The following IMPG1 variants were observed in gnomAD, a reference collection of about 807,000 sequenced individuals.
IMPG1 encodes the protein interphotoreceptor matrix proteoglycan of 150 kDa.
In IMPG1, 85 loss-of-function variants were observed where a neutral mutation model predicts 92.0. The observed-to-expected ratio is 0.92, with a 90% confidence interval of 0.78 to 1.11. The LOEUF is 1.11. Ranked by LOEUF, IMPG1 falls within the 50% of genes least tolerant of loss-of-function variation. The pLI is 0.00. For missense variants in IMPG1, 1,022 were observed against 956.0 expected (o/e 1.07, Z -0.91); for synonymous variants, 367 against 334.1 (o/e 1.10, Z -1.08).
chr6:75,973,704 C>G (rs1438658074), intron 12 of IMPG1, among the ~76,000 whole-genome samples: 1 of 152,214 alleles, frequency 6.6e-6, no homozygotes, highest in African/African-American at 2.4e-5. Flanking sequence ...TACTTCACTA[C>G]ACTACTGAGG....
chr6:76,064,444 G>A (rs556149464), intron 1 of IMPG1, among the ~76,000 whole-genome samples: 2 of 150,802 alleles, frequency 1.3e-5, no homozygotes, highest in South Asian at 2.1e-4. Context: ...TACAATCTGA[G>A]TGTCCTGAGA....
Position 76,034,352 on chromosome 6 carries a change from A to T in IMPG1, c.469-9T>A. 1.2e-6 allele frequency: 2 copies of T among 1,611,330 alleles called. No individual in the cohort carries two copies. The highest frequency in any genetic ancestry group is 1.7e-6 in the Non-Finnish European group (2 of 1,177,734). On this transcript the variant is annotated splice_polypyrimidine_tract_variant and intron_variant, in intron 3 of 16. Coordinates refer to ENST00000369950, the MANE Select transcript of IMPG1 (RefSeq NM_001563.4). ...CTTCTCTGTTTTATTCTCTGCAAAA[A>T]GATAAAGATAAAATGTAATTTTACC...
At position 76,068,122 on chromosome 6, in the gene IMPG1, T is replaced by C. The variant is rs146926964; in HGVS notation, c.67+4300A>G. On this transcript the variant is annotated intron_variant, in intron 1 of 16. Coordinates refer to ENST00000369950, the MANE Select transcript of IMPG1 (RefSeq NM_001563.4). ...TATTTGAAAGCATACCCCTAAGAACTGGAAGAAGACAAGGATGCCCACTTT... is the reference window on the plus strand; with the variant it reads ...TATTTGAAAGCATACCCCTAAGAACCGGAAGAAGACAAGGATGCCCACTTT... 1.4e-3 allele frequency among the ~76,000 whole-genome samples: 219 copies of C among 152,256 alleles called. 2 individuals carry two copies. The highest frequency in any genetic ancestry group is 2.4e-3 in the Non-Finnish European group (162 of 68,010).
intron 9 of IMPG1, among the ~76,000 whole-genome samples, chr6:76,006,410 A>C (rs927654939): frequency 6.7e-6 from 1 of 148,206 alleles, no homozygotes; most frequent in African/African-American, 2.5e-5. Context: ...ATATATATGT[A>C]AAAAAAGTCC....
chr6:75,972,470 A>G (rs2149465958), intron 12 of IMPG1, among the ~76,000 whole-genome samples: 1 of 151,958 alleles, frequency 6.6e-6, no homozygotes, highest in African/African-American at 2.4e-5. Context: ...GGAAGGGCTA[A>G]TTACAAAGAA....
chr6:76,031,968 C>T (rs1264214230), intron 4 of IMPG1, among the ~76,000 whole-genome samples: 3 of 152,196 alleles, frequency 2.0e-5, no homozygotes, highest in Admixed American at 6.5e-5. Context: ...CTTCCACTGG[C>T]TTTTATTTCA....
intron 12 of IMPG1, among the ~76,000 whole-genome samples, chr6:76,000,832 C>T (rs1170097507): frequency 1.3e-5 from 2 of 152,116 alleles, no homozygotes; most frequent in Non-Finnish European, 2.9e-5. Flanking sequence ...GAAGCCTAGA[C>T]AATTTAGAAA....
At chr6:75,934,505 C>T (rs554110138) in intron 14 of IMPG1, among the ~76,000 whole-genome samples, 1 of 152,118 alleles carries the variant, frequency 6.6e-6, no homozygotes, top group Non-Finnish European at 1.5e-5. Context: ...AGCTCTCCAC[C>T]GTGTGATCAA....
rs1436547161 is a variant in IMPG1, at chr6:75,923,719, G to A, written c.2244-13C>T. The A allele has an allele frequency of 1.3e-6, 2 of 1,535,972 alleles. No homozygotes were observed. Among genetic ancestry groups the A allele is most frequent in the South Asian group, 1.1e-5 (1 of 87,812 alleles). On this transcript the variant is annotated splice_polypyrimidine_tract_variant and intron_variant, in intron 15 of 16. Coordinates refer to ENST00000369950, the MANE Select transcript of IMPG1 (RefSeq NM_001563.4). ...GTGATCTGGCAACCTACAAAAGAAA[G>A]CAAAAACATAGTATCTTGTTTCTTG...
At chr6:75,934,491 T>C (rs1781709063) in intron 14 of IMPG1, among the ~76,000 whole-genome samples, 1 of 152,186 alleles carries the variant, frequency 6.6e-6, no homozygotes, top group African/African-American at 2.4e-5. Flanking sequence ...GAAGTTTGTT[T>C]CCCAGCTCTC....
chr6:76,042,261 T>C lies in IMPG1; in HGVS notation c.68-135A>G, dbSNP rs144840102. On this transcript the variant is annotated intron_variant, in intron 1 of 16. Coordinates refer to ENST00000369950, the MANE Select transcript of IMPG1 (RefSeq NM_001563.4). Reference sequence around the variant, plus strand: ...GAAATTTCTACCGTGGTGCAACTGCTAAACGTAATATTCCAAATGACAAGG... The same window carrying C: ...GAAATTTCTACCGTGGTGCAACTGCCAAACGTAATATTCCAAATGACAAGG... 1.3e-5 allele frequency: 8 copies of C among 621,296 alleles called. 1 individual carries two copies. Among genetic ancestry groups the C allele is most frequent in the African/African-American group, 1.1e-4 (6 of 54,118 alleles). The allele number at this position is 621,296 out of a possible 1,614,324, so 38.5% of individuals were successfully genotyped here.
At chr6:76,004,358 A>G (rs1157016331) in intron 10 of IMPG1, among the ~76,000 whole-genome samples, 2 of 152,232 alleles carry the variant, frequency 1.3e-5, no homozygotes, top group Non-Finnish European at 2.9e-5. Flanking sequence ...CCTGATTCTC[A>G]GAATGACACA....
chr6:75,976,353 G>A (rs1162936496), intron 12 of IMPG1, among the ~76,000 whole-genome samples: 1 of 152,006 alleles, frequency 6.6e-6, no homozygotes. Context: ...TTTGAGCTTA[G>A]GAGTTTAAGA....
intron 12 of IMPG1, among the ~76,000 whole-genome samples, chr6:75,973,294 C>CT (rs1782453313): frequency 7.7e-6 from 1 of 129,120 alleles, no homozygotes; most frequent in Non-Finnish European, 1.7e-5. Context: ...TCCTACTTTC[C>CT]CCCCCGCCCA....
Position 76,072,569 on chromosome 6 carries a change from A to C in IMPG1, c.-81T>G. ...CATTAAAAAGTAACAGAAATGTGAA[A>C]AATAATTATATATTGATACCAGATG... is the stretch of plus-strand genomic sequence containing the variant. On this transcript the variant is annotated 5_prime_UTR_variant, in exon 1 of 17. Coordinates refer to ENST00000369950, the MANE Select transcript of IMPG1 (RefSeq NM_001563.4). 1 of 810,250 alleles carries C rather than the reference A, an allele frequency of 1.2e-6. No homozygotes were observed. Among genetic ancestry groups the C allele is most frequent in the Non-Finnish European group, 2.0e-6 (1 of 497,604 alleles). The allele number at this position is 810,250 out of a possible 1,614,324, so 50.2% of individuals were successfully genotyped here.
At chr6:75,940,756 C>T (rs1372630509) in intron 14 of IMPG1, among the ~76,000 whole-genome samples, 1 of 152,176 alleles carries the variant, frequency 6.6e-6, no homozygotes, top group Non-Finnish European at 1.5e-5. Flanking sequence ...TCTGAGCTAT[C>T]TTCGCTCCCT....
chr6:76,053,434 A>T lies in IMPG1; in HGVS notation c.68-11308T>A, dbSNP rs932332424. On this transcript the variant is annotated intron_variant, in intron 1 of 16. Coordinates refer to ENST00000369950, the MANE Select transcript of IMPG1 (RefSeq NM_001563.4). The stretch of plus-strand genomic sequence containing the variant: ...GGGACAACAAGTAACAAGAATTCAG[A>T]GACCCACTAAGAGCTTATAAAACAA... Among the ~76,000 whole-genome samples, 8 of 152,202 alleles carry T rather than the reference A, an allele frequency of 5.3e-5. 1 individual carries two copies. Among genetic ancestry groups the T allele is most frequent in the Admixed American group, 5.2e-4 (8 of 15,268 alleles).
chr6:75,961,704 G>A (rs1258778746), intron 12 of IMPG1, among the ~76,000 whole-genome samples: 1 of 152,192 alleles, frequency 6.6e-6, no homozygotes, highest in African/African-American at 2.4e-5. Context: ...AGATGAGTTA[G>A]CCATGCAGCA....
chr6:75,962,127 T>A (rs1028627580), intron 12 of IMPG1, among the ~76,000 whole-genome samples: 1 of 129,012 alleles, frequency 7.8e-6, no homozygotes, highest in Admixed American at 8.2e-5. Context: ...TTCTTTGCCA[T>A]TTTGTTTTTT....
Sources: gnomAD v4.1 joint callset for allele counts (sites outside exome capture counted in the v4.1 genomes callset) on GRCh38, gnomAD v4.1.1 for gene constraint, MANE v1.5 for transcripts, NCBI Gene and HGNC (gene_info 2026-07-23, HGNC 2026-07-21) for gene names.